The following DNM3 variants were observed in gnomAD, a reference collection of about 807,000 sequenced individuals.
DNM3 encodes the protein dynamin-3.
DNM3 carries 47 observed loss-of-function variants against 101.6 expected under a neutral mutation model. That is an observed-to-expected ratio of 0.46 (90% CI 0.37 to 0.59). The LOEUF (loss-of-function observed/expected upper bound fraction) is 0.59. Among genes scored for constraint, DNM3 ranks in the 20% least tolerant of loss-of-function variants. DNM3 has a pLI of 0.00. For synonymous variants in DNM3, 385 were observed against 387.9 expected (o/e 0.99, Z 0.09); for missense variants, 849 against 1,085.7 (o/e 0.78, Z 3.06).
intron 11 of DNM3, among the ~76,000 whole-genome samples, chr1:172,074,793 T>A (rs1354642242): frequency 6.6e-6 from 1 of 152,226 alleles, no homozygotes; most frequent in Non-Finnish European, 1.5e-5. Context: ...CATGTGTCTT[T>A]GTAGTAGAAT....
intron 14 of DNM3, among the ~76,000 whole-genome samples, chr1:172,187,352 C>A (rs2059562015): frequency 6.6e-6 from 1 of 151,878 alleles, no homozygotes; most frequent in Admixed American, 6.6e-5. Context: ...AGAAATAACA[C>A]CCATTTTAAT....
intron 14 of DNM3, among the ~76,000 whole-genome samples, chr1:172,240,100 G>A (rs1260121169): frequency 6.6e-6 from 1 of 151,996 alleles, no homozygotes; most frequent in Non-Finnish European, 1.5e-5. Context: ...CTTAACTAAA[G>A]TACAAAGGGC....
chr1:172,342,155 T>C (rs989650790), intron 17 of DNM3, among the ~76,000 whole-genome samples: 3 of 152,196 alleles, frequency 2.0e-5, no homozygotes, highest in Non-Finnish European at 4.4e-5. Flanking sequence ...CATACACTGA[T>C]GGTGGGAATG....
intron 15 of DNM3, among the ~76,000 whole-genome samples, chr1:172,283,121 G>A (rs2063552491): frequency 6.6e-6 from 1 of 152,136 alleles, no homozygotes. Context: ...GTGCCACATT[G>A]TCAGTTTCTT....
chr1:171,842,135 C>T (rs1047669847), intron 1 of DNM3, among the ~76,000 whole-genome samples: 13 of 152,272 alleles, frequency 8.5e-5, no homozygotes, highest in African/African-American at 3.1e-4. Flanking sequence ...GCTCGACCCC[C>T]ACCCCCTCGG....
intron 17 of DNM3, among the ~76,000 whole-genome samples, chr1:172,342,629 A>G (rs1344649974): frequency 1.3e-5 from 2 of 152,140 alleles, no homozygotes; most frequent in African/African-American, 4.8e-5. Flanking sequence ...GGGAGGAGAG[A>G]AAGGATCAGA....
At chr1:172,019,992 C>T (rs923294391) in intron 4 of DNM3, among the ~76,000 whole-genome samples, 2 of 151,972 alleles carry the variant, frequency 1.3e-5, no homozygotes, top group Admixed American at 1.3e-4. Flanking sequence ...GATGCTTGCT[C>T]TGTCTCCTCA....
chr1:171,895,145 A>G (rs2037667235), intron 1 of DNM3, among the ~76,000 whole-genome samples: 2 of 152,232 alleles, frequency 1.3e-5, no homozygotes, highest in South Asian at 2.1e-4. Flanking sequence ...TCCTTTGGGT[A>G]TATACCCAGT....
chr1:171,881,278 A>G (rs1266891496), intron 1 of DNM3, among the ~76,000 whole-genome samples: 1 of 152,200 alleles, frequency 6.6e-6, no homozygotes, highest in African/African-American at 2.4e-5. Flanking sequence ...TTTTTAGGAC[A>G]TAGTTAAAAT....
At chr1:171,965,256 T>C (rs970430546) in intron 2 of DNM3, among the ~76,000 whole-genome samples, 9 of 152,036 alleles carry the variant, frequency 5.9e-5, no homozygotes, top group Admixed American at 3.9e-4. Context: ...AAAAAGGATA[T>C]TGTAGGCTGG....
intron 2 of DNM3, among the ~76,000 whole-genome samples, chr1:171,922,985 A>G (rs1441575833): frequency 2.0e-5 from 3 of 152,186 alleles, no homozygotes; most frequent in African/African-American, 4.8e-5. Flanking sequence ...CCCTTTGGTT[A>G]TTATGAATGA....
chr1:172,124,343 G>A (rs1347513619), intron 13 of DNM3, among the ~76,000 whole-genome samples: 1 of 152,182 alleles, frequency 6.6e-6, no homozygotes, highest in African/African-American at 2.4e-5. Context: ...TCTTGGAGAA[G>A]GACACTTGAA....
chr1:172,298,243 C>T (rs967899915), intron 15 of DNM3, among the ~76,000 whole-genome samples: 1 of 152,108 alleles, frequency 6.6e-6, no homozygotes, highest in Admixed American at 6.6e-5. Context: ...TCATTCTTTC[C>T]CTCTCTGACT....
intron 14 of DNM3, among the ~76,000 whole-genome samples, chr1:172,154,359 T>C (rs961298961): frequency 6.6e-6 from 1 of 152,084 alleles, no homozygotes; most frequent in Non-Finnish European, 1.5e-5. Context: ...CCACAATGTG[T>C]AGGCCATTTT....
At chr1:172,000,285 C>G (rs551489203) in intron 4 of DNM3, among the ~76,000 whole-genome samples, 4 of 152,136 alleles carry the variant, frequency 2.6e-5, no homozygotes, top group Admixed American at 6.6e-5. Flanking sequence ...TTGGCCATGC[C>G]AAATGTGGCT....
intron 14 of DNM3, among the ~76,000 whole-genome samples, chr1:172,225,778 A>G (rs2148584622): frequency 6.6e-6 from 1 of 152,044 alleles, no homozygotes; most frequent in South Asian, 2.1e-4. Context: ...AAATTCCAAC[A>G]TCTTATCTCA....
intron 4 of DNM3, among the ~76,000 whole-genome samples, chr1:171,994,376 A>T (rs2125642433): frequency 6.6e-6 from 1 of 151,906 alleles, no homozygotes; most frequent in East Asian, 1.9e-4. Flanking sequence ...ATTTTTTTTT[A>T]GTGGTCAGGA....
chr1:171,959,876 G>A (rs1415494784), intron 2 of DNM3, among the ~76,000 whole-genome samples: 1 of 152,152 alleles, frequency 6.6e-6, no homozygotes, highest in Middle Eastern at 3.2e-3. Context: ...GGGGACAGAA[G>A]CCAACTGAAG....
rs199782878 is a variant in DNM3 at position 172,407,883 on chromosome 1, C to T, written c.*42C>T. 3.0e-5 allele frequency: 49 copies of T among 1,612,002 alleles called. No homozygotes were observed. Among genetic ancestry groups the T allele is most frequent in the South Asian group, 6.6e-5 (6 of 90,958 alleles). ...GGCAATTAATCACTAATGAATTATG[C>T]GAAAGCAACATATTTGATAACCGTT... is the stretch of plus-strand genomic sequence containing the variant. On this transcript the variant is annotated 3_prime_UTR_variant, in exon 21 of 21. Coordinates refer to ENST00000627582, the MANE Select transcript of DNM3 (RefSeq NM_015569.5).
Sources: allele counts gnomAD v4.1 joint callset (sites outside exome capture counted in the v4.1 genomes callset), GRCh38; gene constraint gnomAD v4.1.1; transcripts MANE v1.5; gene names NCBI Gene and HGNC (gene_info 2026-07-23, HGNC 2026-07-21).